FSHR: variants seen among roughly 807,000 people sequenced by gnomAD.
FSHR encodes follicle-stimulating hormone receptor.
A neutral mutation model predicts 52.1 loss-of-function variants in FSHR; 46 were observed. That is an observed-to-expected ratio of 0.88 (90% CI 0.70 to 1.13). The LOEUF (loss-of-function observed/expected upper bound fraction) is 1.13, where lower values mean the gene tolerates loss of function less well. Among genes scored for constraint, FSHR ranks in the 50% most tolerant of loss-of-function variants. The pLI is 0.00. For missense variants in FSHR, 964 were observed against 834.6 expected, an observed-to-expected ratio of 1.16 and a Z score of -1.91; for synonymous variants, 399 against 309.6, an observed-to-expected ratio of 1.29 and a Z score of -3.03.
At chr2:49,135,684 G>A (rs1050577118) in intron 1 of FSHR, among the ~76,000 whole-genome samples, 3 of 152,014 alleles carry the variant, frequency 2.0e-5, no homozygotes, top group Non-Finnish European at 4.4e-5. Context: ...GCATAACTTC[G>A]AATCCTCTAA....
intron 2 of FSHR, among the ~76,000 whole-genome samples, chr2:49,023,818 T>C (rs1267907055): frequency 6.6e-6 from 1 of 152,170 alleles, no homozygotes; most frequent in East Asian, 1.9e-4. Flanking sequence ...CATGTTTGTA[T>C]GAAGGATAGG....
intron 1 of FSHR, among the ~76,000 whole-genome samples, chr2:49,080,195 A>C (rs1034085005): frequency 3.5e-4 from 53 of 152,292 alleles, no homozygotes; most frequent in African/African-American, 1.2e-3. Flanking sequence ...GGAAAATCCC[A>C]CAGTATCCAT....
chr2:49,064,849 C>G (rs1361624916), intron 2 of FSHR, among the ~76,000 whole-genome samples: 1 of 152,102 alleles, frequency 6.6e-6, no homozygotes, highest in African/African-American at 2.4e-5. Context: ...TTTGGAAGAA[C>G]TTGGAAAGTT....
intron 1 of FSHR, among the ~76,000 whole-genome samples, chr2:49,137,699 T>G (rs1672534772): frequency 6.6e-6 from 1 of 152,136 alleles, no homozygotes. Flanking sequence ...TATCTTCAAC[T>G]GATTTTCAAT....
In FSHR at chr2:49,068,251, AC is replaced by A. The variant is rs766355938; in HGVS notation, c.191del (p.Gly64ValfsTer12). 6.2e-7 allele frequency: 1 copy of A among 1,611,394 alleles called. No homozygotes were observed. On this transcript the variant is annotated frameshift_variant, in exon 2 of 10. Coordinates refer to ENST00000406846, the MANE Select transcript of FSHR (RefSeq NM_000145.4). LOFTEE classifies it high-confidence loss of function. ...VLTKLRVIQK[G>X]AFSGFGDLEK... ...CCAGGTCCCCAAATCCTGAAAATGC[AC>A]CTTTTTGGATGACTCGAAGCTTGGT...
chr2:49,121,510 G>A (rs557354970), intron 1 of FSHR, among the ~76,000 whole-genome samples: 106 of 152,278 alleles, frequency 7.0e-4, no homozygotes, highest in Non-Finnish European at 7.4e-4. Flanking sequence ...AAAGCAGTGT[G>A]GGAAGTGGGT....
At chr2:48,984,792 C>A (rs1675414528) in intron 6 of FSHR, among the ~76,000 whole-genome samples, 1 of 152,110 alleles carries the variant, frequency 6.6e-6, no homozygotes, top group Non-Finnish European at 1.5e-5. Flanking sequence ...ATATTTCTTG[C>A]ATATTACTGT....
chr2:49,123,656 A>C (rs1226134576), intron 1 of FSHR, among the ~76,000 whole-genome samples: 1 of 152,232 alleles, frequency 6.6e-6, no homozygotes, highest in Non-Finnish European at 1.5e-5. Context: ...TTAAAAATAA[A>C]ATACAACTTT....
chr2:49,072,934 A>G (rs1669791305), intron 1 of FSHR, among the ~76,000 whole-genome samples: 1 of 152,162 alleles, frequency 6.6e-6, no homozygotes, highest in African/African-American at 2.4e-5. Context: ...CAACCTTCTG[A>G]CAATTCATTA....
In FSHR at chr2:48,962,798, C is replaced by T. The variant is rs1167817009; in HGVS notation, c.2023G>A (p.Ala675Thr). ...GTGGAACCACTGGTGACTCTGGGAGCTGAAGAGCAGTGGCCATTCCTTGGA... is the reference window on the plus strand; with the variant it reads ...GTGGAACCACTGGTGACTCTGGGAGTTGAAGAGCAGTGGCCATTCCTTGGA... ...THPRNGHCSS[A>T]PRVTSGSTYI... Residue 675 changes from alanine (A) to threonine (T), a missense_variant, in exon 10 of 10, where the codon GCT (alanine) becomes ACT (threonine). Ala to Thr is a moderately conservative substitution (Grantham distance 58, BLOSUM62 0). Coordinates refer to ENST00000406846, the MANE Select transcript of FSHR (RefSeq NM_000145.4). 2 of 1,614,018 alleles carry T rather than the reference C, an allele frequency of 1.2e-6. No homozygotes were observed. Among genetic ancestry groups the T allele is most frequent in the African/African-American group, 1.3e-5 (1 of 74,924 alleles).
In FSHR at chr2:49,154,281, C is replaced by T. The variant is rs750934104; in HGVS notation, c.137G>A (p.Arg46Lys). ...TGATACTCACAGTTCAATGGCATTC[C>T]TCGGGAGGTCAGAAGGAATCTCTGT... ...KVTEIPSDLP[R>K]NAIELRFVLT... Residue 46 changes from arginine to lysine, a missense_variant, in exon 1 of 10, where the codon AGG becomes AAG. Arg to Lys is a conservative substitution (Grantham distance 26). Transcript: ENST00000406846. The T allele has an allele frequency of 6.2e-7, 1 of 1,613,904 alleles. No individual in the cohort carries two copies. The highest frequency in any genetic ancestry group is 1.3e-5 in the African/African-American group (1 of 75,028).
At chr2:49,118,369 A>G (rs1671680624) in intron 1 of FSHR, among the ~76,000 whole-genome samples, 1 of 152,140 alleles carries the variant, frequency 6.6e-6, no homozygotes, top group African/African-American at 2.4e-5. Context: ...CAACTCAACT[A>G]GTGAGCTCAT....
chr2:49,035,454 C>T (rs1304664857), intron 2 of FSHR, among the ~76,000 whole-genome samples: 1 of 152,182 alleles, frequency 6.6e-6, no homozygotes. Flanking sequence ...CTCTTCTCTG[C>T]CTCCCACCAG....
At position 48,964,171 on chromosome 2, in the gene FSHR, G is replaced by A. The variant is rs576722260; in HGVS notation, c.855-205C>T. Among the ~76,000 whole-genome samples the A allele has an allele frequency of 2.6e-5, 4 of 151,822 alleles. No individual in the cohort carries two copies. The East Asian group carries it at 7.8e-4, about 30-fold the overall frequency. On this transcript the variant is annotated intron_variant, in intron 9 of 9. Transcript: ENST00000406846. The stretch of plus-strand genomic sequence containing the variant: ...ATAACAACTTGTATATATATTACTA[G>A]AGTTGGATGGCTCACTGGGGAAACC...
intron 1 of FSHR, among the ~76,000 whole-genome samples, chr2:49,143,768 C>T (rs1440778836): frequency 2.0e-5 from 3 of 152,102 alleles, no homozygotes; most frequent in Non-Finnish European, 4.4e-5. Context: ...TATTCCTCTA[C>T]TTTGCAAGCA....
At chr2:49,105,033 C>T (rs907252188) in intron 1 of FSHR, among the ~76,000 whole-genome samples, 9 of 152,076 alleles carry the variant, frequency 5.9e-5, no homozygotes, top group African/African-American at 2.2e-4. Context: ...CCGTAGATAT[C>T]AAAACTTTGG....
chr2:49,094,032 T>A (rs888582120), intron 1 of FSHR, among the ~76,000 whole-genome samples: 4 of 152,230 alleles, frequency 2.6e-5, no homozygotes, highest in African/African-American at 7.2e-5. Context: ...TATCGCTTTC[T>A]AATTTGTTTC....
intron 2 of FSHR, among the ~76,000 whole-genome samples, chr2:49,058,305 T>C (rs1339252646): frequency 2.0e-5 from 3 of 152,238 alleles, no homozygotes; most frequent in South Asian, 2.1e-4. Context: ...TCCCAGCACA[T>C]TGGGAGGCTG....
At chr2:49,089,436 A>T (rs1670517323) in intron 1 of FSHR, among the ~76,000 whole-genome samples, 2 of 152,226 alleles carry the variant, frequency 1.3e-5, no homozygotes, top group African/African-American at 4.8e-5. Flanking sequence ...TAAATAGCAT[A>T]CATGTTGAAA....
Sources: gnomAD v4.1 joint callset for allele counts (sites outside exome capture counted in the v4.1 genomes callset) on GRCh38, gnomAD v4.1.1 for gene constraint, MANE v1.5 for transcripts, NCBI Gene and HGNC (gene_info 2026-07-23, HGNC 2026-07-21) for gene names.